The following ATXN2 variants were observed in gnomAD, a reference collection of about 807,000 sequenced individuals.
ATXN2 encodes the protein ataxin-2.
ATXN2 carries 37 observed loss-of-function variants against 138.6 expected under a neutral mutation model. The observed-to-expected ratio is 0.27, with a 90% CI of 0.21 to 0.35. ATXN2 has a LOEUF of 0.35. Among genes scored for constraint, ATXN2 ranks in the 10% least tolerant of loss-of-function variants. The probability of loss-of-function intolerance (pLI) is 1.00; values close to 1 mark genes in which losing one functional copy is unlikely to be tolerated. For synonymous variants in ATXN2, 549 were observed against 543.7 expected (o/e 1.01, Z -0.13); for missense variants, 1,216 against 1,480.3 (o/e 0.82, Z 2.93).
chr12:111,468,696 C>CTTTTTTTTTTTT lies in ATXN2; in HGVS notation c.2842+1400_2842+1411dup, dbSNP rs1007805276. On this transcript the variant is annotated intron_variant, in intron 20 of 24. Coordinates refer to ENST00000673436, the MANE Select transcript of ATXN2 (RefSeq NM_001372574.1). ...AAGGTTTGCCAGAAATCTGTAAATTCTTTTTTTTTTTTTTTTTTTTTGGAG... is the reference window on the plus strand; with the variant it reads ...AAGGTTTGCCAGAAATCTGTAAATTCTTTTTTTTTTTTTTTTTTTTTTTTTTTTTTTTTGGAG... 3.7e-5 allele frequency: 4 copies of CTTTTTTTTTTTT among 108,524 alleles called. 1 individual carries two copies. The highest frequency in any genetic ancestry group is 7.4e-5 in the African/African-American group (2 of 27,192). 6.7% of individuals were successfully genotyped at this position (108,524 alleles called of 1,614,324 possible). A position where few individuals can be genotyped will look rare whatever the true frequency, so the allele number is the denominator to read the frequency against.
At chr12:111,537,943 A>G (rs1330534429) in intron 5 of ATXN2, among the ~76,000 whole-genome samples, 2 of 152,066 alleles carry the variant, frequency 1.3e-5, no homozygotes, top group Non-Finnish European at 2.9e-5. Context: ...AAAAATAACA[A>G]CAAAAATTAG....
intron 5 of ATXN2, among the ~76,000 whole-genome samples, chr12:111,547,342 G>A (rs1202037842): frequency 1.3e-5 from 2 of 152,112 alleles, no homozygotes; most frequent in Non-Finnish European, 2.9e-5. Flanking sequence ...CAGAAGAATT[G>A]CTTGAACCTA....
rs1232271673 is a variant in ATXN2, at chr12:111,552,848, CACTG to C, written c.420+54_420+57del. On this transcript the variant is annotated intron_variant, in intron 4 of 24. Transcript: ENST00000673436. The surrounding 1 kb of genome is among the most constrained non-coding windows in gnomAD (Gnocchi z 4.1). ...AAGTGGCTTTAAAAACTAGGTAAAA[CACTG>C]ACTATGAAAATGTTCTTTTACTTTG... is the stretch of plus-strand genomic sequence containing the variant. 3 of 1,193,300 alleles carry C rather than the reference CACTG, an allele frequency of 2.5e-6. No homozygotes were observed. Among genetic ancestry groups the C allele is most frequent in the East Asian group, 2.6e-5 (1 of 38,940 alleles). 73.9% of individuals were successfully genotyped at this position (1,193,300 alleles called of 1,614,324 possible).
intron 3 of ATXN2, among the ~76,000 whole-genome samples, chr12:111,553,572 CAAAAAAAAAAAAAAA>C (rs757837884): frequency 2.7e-4 from 13 of 48,926 alleles, no homozygotes; most frequent in South Asian, 2.5e-3. Context: ...TCTTTTTTCT[CAAAAAAAAAAAAAAA>C]AAAAAAAAAA....
chr12:111,580,419 G>A (rs549344196), intron 1 of ATXN2, among the ~76,000 whole-genome samples: 2 of 151,272 alleles, frequency 1.3e-5, no homozygotes, highest in African/African-American at 2.4e-5. Flanking sequence ...GATTGCTTGA[G>A]CCCAAGAATT....
At position 111,553,604 on chromosome 12, in the gene ATXN2, A is replaced by AAAAATTTTTTTTT. The variant is rs1882237738; in HGVS notation, c.348+553_348+554insAAAAAAAAATTTT. 2.2e-3 allele frequency among the ~76,000 whole-genome samples: 187 copies of AAAAATTTTTTTTT among 84,994 alleles called. 2 individuals carry two copies. The highest frequency in any genetic ancestry group is 5.8e-3 in the South Asian group (9 of 1,562). 55.8% of individuals were successfully genotyped at this position (84,994 alleles called of 152,430 possible). A position where few individuals can be genotyped will look rare whatever the true frequency, so the allele number is the denominator to read the frequency against. ...AAAAAAAAAAAAAAAAAAAAAAAAAATTTTTTTTTTTGAGAAGGGGTCTGT... is the reference window on the plus strand; with the variant it reads ...AAAAAAAAAAAAAAAAAAAAAAAAAAAAAATTTTTTTTTTTTTTTTTTTTGAGAAGGGGTCTGT... On this transcript the variant is annotated intron_variant, in intron 3 of 24. Transcript: ENST00000673436.
intron 14 of ATXN2, among the ~76,000 whole-genome samples, chr12:111,502,700 G>C (rs913705065): frequency 1.3e-5 from 2 of 152,012 alleles, no homozygotes; most frequent in African/African-American, 4.8e-5. Flanking sequence ...CAAAGTGCTG[G>C]GATTACAGGA....
intron 20 of ATXN2, among the ~76,000 whole-genome samples, chr12:111,467,307 CTTTTTTTTT>C (rs61507608): frequency 8.3e-4 from 29 of 34,828 alleles, no homozygotes; most frequent in African/African-American, 4.0e-3. Context: ...CATGACTGGG[CTTTTTTTTT>C]TTTTTTTTTT....
At chr12:111,483,452 C>CTTTTTTT (rs927752030) in intron 18 of ATXN2, among the ~76,000 whole-genome samples, 4 of 107,212 alleles carry the variant, frequency 3.7e-5, no homozygotes, top group Non-Finnish European at 5.6e-5. Flanking sequence ...TAAAAGAACT[C>CTTTTTTT]TTTTTTTTTT....
intron 1 of ATXN2, among the ~76,000 whole-genome samples, chr12:111,570,152 C>T (rs897030469): frequency 2.0e-5 from 3 of 152,314 alleles, no homozygotes; most frequent in East Asian, 3.9e-4. Flanking sequence ...CCCCCTTCCA[C>T]GGCATTCATA....
chr12:111,579,031 C>T (rs900940075), intron 1 of ATXN2, among the ~76,000 whole-genome samples: 2 of 151,964 alleles, frequency 1.3e-5, no homozygotes, highest in Admixed American at 1.3e-4. Flanking sequence ...GAGCAAGACC[C>T]TGCCTCAAAA....
chr12:111,512,033 T>A (rs1366190889), intron 11 of ATXN2: 1 of 152,088 alleles, frequency 6.6e-6, no homozygotes, highest in Admixed American at 6.6e-5. Flanking sequence ...TGCAATGGTG[T>A]GATCTTGGCT....
chr12:111,584,038 T>C (rs1838565273), intron 1 of ATXN2, among the ~76,000 whole-genome samples: 1 of 151,850 alleles, frequency 6.6e-6, no homozygotes. Context: ...TGCGTTTCTC[T>C]GGCTCTAAAG....
At chr12:111,467,715 C>T (rs924351691) in intron 20 of ATXN2, among the ~76,000 whole-genome samples, 2 of 152,130 alleles carry the variant, frequency 1.3e-5, no homozygotes, top group African/African-American at 4.8e-5. Flanking sequence ...GCAACATTTC[C>T]TATTTGCCCA....
intron 5 of ATXN2, among the ~76,000 whole-genome samples, chr12:111,540,696 CT>C (rs11462759): frequency 0.089 from 11,260 of 126,144 alleles, 1,226 homozygotes; most frequent in African/African-American, 0.3. Context: ...ACGTCTAAGT[CT>C]TTTTTTTTTT....
chr12:111,510,513 C>T lies in ATXN2; in HGVS notation c.1628G>A (p.Ser543Asn). The change falls in exon 12 of 25, where the codon AGT (serine) becomes AAT (asparagine). Residue 543 changes from serine (S) to asparagine (N), a missense_variant. This residue lies in a region of ATXN2 where 215 missense variants were observed against 210.0 expected (regional missense o/e 1.02). Transcript: ENST00000673436. ...PRQNSIGNTP[S>N]GPVLASPQAG... The stretch of plus-strand genomic sequence containing the variant: ...TTGGGGAGAAGCAAGAACTGGCCCA[C>T]TGGGGGTATTTCCAATACTGTTCTG... 6.2e-7 allele frequency: 1 copy of T among 1,614,088 alleles called. No individual in the cohort carries two copies. The highest frequency in any genetic ancestry group is 8.5e-7 in the Non-Finnish European group (1 of 1,179,982).
chr12:111,580,137 C>T (rs1883913476), intron 1 of ATXN2, among the ~76,000 whole-genome samples: 1 of 152,052 alleles, frequency 6.6e-6, no homozygotes, highest in Non-Finnish European at 1.5e-5. Context: ...CTGACCAATG[C>T]TCCTCTCTGC....
chr12:111,557,131 A>G (rs1036883636), intron 1 of ATXN2, among the ~76,000 whole-genome samples: 3 of 152,258 alleles, frequency 2.0e-5, no homozygotes, highest in Non-Finnish European at 4.4e-5. Context: ...GTGAAATGTT[A>G]TATTTCTCAT....
chr12:111,537,066 T>A (rs962526687), intron 5 of ATXN2, among the ~76,000 whole-genome samples: 1 of 151,808 alleles, frequency 6.6e-6, no homozygotes, highest in Non-Finnish European at 1.5e-5. Context: ...TACAGAGGCA[T>A]GAGCCACCAC....
Sources: gnomAD v4.1 joint callset for allele counts (sites outside exome capture counted in the v4.1 genomes callset) on GRCh38, gnomAD v4.1.1 for gene constraint, gnomAD v4.1.1 regional missense constraint, Gnocchi (gnomAD v3.1) non-coding constraint, MANE v1.5 for transcripts, NCBI Gene and HGNC (gene_info 2026-07-23, HGNC 2026-07-21) for gene names.